Variants in FNDC4 observed in about 807,000 individuals in gnomAD.
FNDC4 encodes the protein fibronectin type III domain containing 4, also known as fibronectin type III domain-containing protein 4.
A neutral mutation model predicts 25.1 loss-of-function variants in FNDC4; 11 were observed. That is an observed-to-expected ratio of 0.44 (90% confidence interval 0.28 to 0.73). The LOEUF (loss-of-function observed/expected upper bound fraction) is 0.73. Among genes scored for constraint, FNDC4 ranks in the 30% least tolerant of loss-of-function variants. FNDC4 has a pLI of 0.16. For synonymous variants in FNDC4, 136 were observed against 118.8 expected, an observed-to-expected ratio of 1.14 and a Z score of -0.94; for missense variants, 250 against 304.3, an observed-to-expected ratio of 0.82 and a Z score of 1.33.
At chr2:27,493,865 G>T in intron 4 of FNDC4, 65 bp downstream of exon 4, 1 of 1,422,064 alleles carries the variant, frequency 7.0e-7, no homozygotes, top group East Asian at 2.3e-5. Flanking sequence ...GCTTGTCTTG[G>T]GGAAGTAAGT....
In FNDC4 at chr2:27,494,843, G is replaced by A; in HGVS notation, c.-25+35C>T. 1 of 578,570 alleles carries A rather than the reference G, an allele frequency of 1.7e-6. No homozygotes were observed. 35.8% of individuals were successfully genotyped at this position (578,570 alleles called of 1,614,324 possible). On this transcript the variant is annotated intron_variant, in intron 1 of 6. Transcript: ENST00000264703. The surrounding 1 kb of genome is among the most constrained non-coding windows in gnomAD (Gnocchi z 4.6). ...CCTCCCGCCCCCGCATTGCCCGGGCGGCCCCAGAGTGCGGTCCGCCCTGCC... is the reference window on the plus strand; with the variant it reads ...CCTCCCGCCCCCGCATTGCCCGGGCAGCCCCAGAGTGCGGTCCGCCCTGCC...
rs1669282954 is a variant in FNDC4, at chr2:27,492,613, C to A, written c.669+53G>T. On this transcript the variant is annotated intron_variant, in intron 6 of 6. Coordinates refer to ENST00000264703, the MANE Select transcript of FNDC4 (RefSeq NM_022823.3). The surrounding 1 kb of genome is among the most constrained non-coding windows in gnomAD (Gnocchi z 4.1). The stretch of plus-strand genomic sequence containing the variant: ...TCTTTGACCTTCTTCCTTTCCCTGG[C>A]TGCCCCTCAGGGGCAGAATCACCCT... The A allele has an allele frequency of 1.2e-6, 2 of 1,612,004 alleles. No individual in the cohort carries two copies.
Position 27,492,931 on chromosome 2 carries a change from T to C in FNDC4, c.545-141A>G, listed in dbSNP as rs1445190174. The C allele has an allele frequency of 2.9e-5, 23 of 793,754 alleles. No homozygotes were observed. Among genetic ancestry groups the C allele is most frequent in the Non-Finnish European group, 3.7e-5 (18 of 485,124 alleles). The allele number at this position is 793,754 out of a possible 1,614,324, so 49.2% of individuals were successfully genotyped here. On this transcript the variant is annotated intron_variant, in intron 5 of 6. Transcript: ENST00000264703. The surrounding 1 kb of genome is among the most constrained non-coding windows in gnomAD (Gnocchi z 4.1). ...CCTCCTCTCTGGGCTCTCAACAGCC[T>C]CCTCTCCCTCTCTTCAAAGTTCAAA...
At position 27,492,378 on chromosome 2, in the gene FNDC4, C is replaced by T; in HGVS notation, c.*65G>A. 1 of 1,600,810 alleles carries T rather than the reference C, an allele frequency of 6.2e-7. No individual in the cohort carries two copies. The highest frequency in any genetic ancestry group is 1.1e-5 in the South Asian group (1 of 90,816). ...GTCTCGGGCAGATCACCATCTTGGG[C>T]TCCCCCTGACCCCATCCCTATCCCC... is the stretch of plus-strand genomic sequence containing the variant. On this transcript the variant is annotated 3_prime_UTR_variant, in exon 7 of 7. Coordinates refer to ENST00000264703, the MANE Select transcript of FNDC4 (RefSeq NM_022823.3). The surrounding 1 kb of genome is among the most constrained non-coding windows in gnomAD (Gnocchi z 4.1).
chr2:27,494,000 G>A lies in FNDC4; in HGVS notation c.384C>T (p.Pro128=). The change falls in exon 4 of 7, where the codon CCC becomes CCT. Residue 128 remains proline, a synonymous_variant. Transcript: ENST00000264703. The part of the protein sequence containing the change: ...VRSIGLRGES[P]PGPRVHFRTL... The stretch of plus-strand genomic sequence containing the variant: ...TTCGGAAGTGCACCCGGGGCCCTGG[G>A]GGACTCTCTCCCCGAAGGCCGATGC... 1 of 1,614,204 alleles carries A rather than the reference G, an allele frequency of 6.2e-7. No individual in the cohort carries two copies. Among genetic ancestry groups the A allele is most frequent in the South Asian group, 1.1e-5 (1 of 91,086 alleles).
In FNDC4 at chr2:27,494,316, G is replaced by C. The variant is rs774843864; in HGVS notation, c.249+35C>G. On this transcript the variant is annotated intron_variant, in intron 3 of 6. Transcript: ENST00000264703. This position sits in a 1 kb window ranked among gnomAD's most constrained non-coding sequence, Gnocchi z 4.6. ...GTGAAGAAATGTGCCGAAATCCAAG[G>C]ACACAGGTTGGGGGAGCAGAAGGGT... 9 of 1,561,708 alleles carry C rather than the reference G, an allele frequency of 5.8e-6. No individual in the cohort carries two copies. The African/African-American group carries it at 8.1e-5, about 14-fold the overall frequency.
chr2:27,492,841 G>T lies in FNDC4; in HGVS notation c.545-51C>A. 1.2e-6 allele frequency: 2 copies of T among 1,609,764 alleles called. No homozygotes were observed. The highest frequency in any genetic ancestry group is 4.5e-5 in the East Asian group (2 of 44,856). On this transcript the variant is annotated intron_variant, in intron 5 of 6. Transcript: ENST00000264703. The surrounding 1 kb of genome is among the most constrained non-coding windows in gnomAD (Gnocchi z 4.1). ...TCATCTCCACTTCCCCCCTCATAGG[G>T]AGATACCTACGTAGCTTCTAGAAAA...
At position 27,494,178 on chromosome 2, in the gene FNDC4, C is replaced by A; in HGVS notation, c.250-44G>T. The A allele has an allele frequency of 6.3e-7, 1 of 1,577,506 alleles. No homozygotes were observed. Among genetic ancestry groups the A allele is most frequent in the Non-Finnish European group, 8.7e-7 (1 of 1,152,170 alleles). ...AGAGGAGGACAGCCTCACCCCAGTG[C>A]CAGGCCACAAGGCTCAACCAGAGAC... On this transcript the variant is annotated intron_variant, in intron 3 of 6. Coordinates refer to ENST00000264703, the MANE Select transcript of FNDC4 (RefSeq NM_022823.3). This position sits in a 1 kb window ranked among gnomAD's most constrained non-coding sequence, Gnocchi z 4.6.
In FNDC4 at chr2:27,494,329, G is replaced by A. The variant is rs1241134238; in HGVS notation, c.249+22C>T. 1 of 1,581,330 alleles carries A rather than the reference G, an allele frequency of 6.3e-7. No individual in the cohort carries two copies. The highest frequency in any genetic ancestry group is 1.7e-5 in the Admixed American group (1 of 59,848). ...CCGAAATCCAAGGACACAGGTTGGG[G>A]GAGCAGAAGGGTGATTCATACTTGC... On this transcript the variant is annotated intron_variant, in intron 3 of 6. Transcript: ENST00000264703. This position sits in a 1 kb window ranked among gnomAD's most constrained non-coding sequence, Gnocchi z 4.6.
rs1669276242 is a variant in FNDC4, at chr2:27,492,334, G to C, written c.*109C>G. 1 of 1,328,850 alleles carries C rather than the reference G, an allele frequency of 7.5e-7. No homozygotes were observed. The highest frequency in any genetic ancestry group is 1.4e-5 in the African/African-American group (1 of 69,138). The allele number at this position is 1,328,850 out of a possible 1,614,324, so 82.3% of individuals were successfully genotyped here. On this transcript the variant is annotated 3_prime_UTR_variant, in exon 7 of 7. Coordinates refer to ENST00000264703, the MANE Select transcript of FNDC4 (RefSeq NM_022823.3). The surrounding 1 kb of genome is among the most constrained non-coding windows in gnomAD (Gnocchi z 4.1). ...GGGTACCAGGCCTGAGATTGTGGGA[G>C]TGGCATTACCCTCTGGGAGTCTCGG...
In FNDC4 at chr2:27,492,508, T is replaced by C. The variant is rs1453488504; in HGVS notation, c.670-30A>G. On this transcript the variant is annotated intron_variant, in intron 6 of 6. Transcript: ENST00000264703. The surrounding 1 kb of genome is among the most constrained non-coding windows in gnomAD (Gnocchi z 4.1). ...GAAAGAAAATGGCCTGAGTCTCAACTTCAGGAAGGTAATAGGTGCCACCCT... is the reference window on the plus strand; with the variant it reads ...GAAAGAAAATGGCCTGAGTCTCAACCTCAGGAAGGTAATAGGTGCCACCCT... The C allele has an allele frequency of 1.9e-6, 3 of 1,606,422 alleles. No homozygotes were observed. The highest frequency in any genetic ancestry group is 2.6e-6 in the Non-Finnish European group (3 of 1,173,102).
chr2:27,493,385 T>G lies in FNDC4; in HGVS notation c.544+4A>C. On this transcript the variant is annotated splice_donor_region_variant and intron_variant, in intron 5 of 6. Transcript: ENST00000264703. The stretch of plus-strand genomic sequence containing the variant: ...CCTGGTCCCCTGTCTAGCTGCTTAC[T>G]CACCAGCCCACATGAGCAACACCAC... The G allele has an allele frequency of 6.2e-7, 1 of 1,612,706 alleles. No individual in the cohort carries two copies. The highest frequency in any genetic ancestry group is 8.5e-7 in the Non-Finnish European group (1 of 1,178,790).
chr2:27,493,368 C>G (rs1558429428), intron 5 of FNDC4, 21 bp downstream of exon 5: 1 of 1,600,194 alleles, frequency 6.2e-7, no homozygotes, highest in African/African-American at 1.3e-5. Flanking sequence ...TCCCTGGTCC[C>G]CTGTCTAGCT....
Position 27,494,783 on chromosome 2 carries a change from C to T in FNDC4, c.-24-80G>A. On this transcript the variant is annotated intron_variant, in intron 1 of 6. Transcript: ENST00000264703. The surrounding 1 kb of genome is among the most constrained non-coding windows in gnomAD (Gnocchi z 4.6). ...CGGGGGGCAGCAGCTCTCCTGGGCTCCCCACAGCTCACAACAGCCCTATTT... is the reference window on the plus strand; with the variant it reads ...CGGGGGGCAGCAGCTCTCCTGGGCTTCCCACAGCTCACAACAGCCCTATTT... 3.1e-6 allele frequency: 2 copies of T among 649,362 alleles called. No individual in the cohort carries two copies. Among genetic ancestry groups the T allele is most frequent in the South Asian group, 3.9e-5 (2 of 51,392 alleles). The allele number at this position is 649,362 out of a possible 1,614,324, so 40.2% of individuals were successfully genotyped here.
chr2:27,492,750 C>T lies in FNDC4; in HGVS notation c.585G>A (p.Lys195=), dbSNP rs1330944588. The T allele has an allele frequency of 2.5e-6, 4 of 1,614,122 alleles. No homozygotes were observed. The highest frequency in any genetic ancestry group is 3.4e-6 in the Non-Finnish European group (4 of 1,180,028). The change falls in exon 6 of 7, where the codon AAG becomes AAA. Residue 195 remains lysine, a synonymous_variant. Transcript: ENST00000264703. This position sits in a 1 kb window ranked among gnomAD's most constrained non-coding sequence, Gnocchi z 4.1. ...TGGGATTGTTGTTGGAGTCATTGTC[C>T]TTGATGATGTCATACTGACGGCAGA... The part of the protein sequence containing the change: ...GLFCRQYDII[K]DNDSNNNPKE...
rs1424267084 is a variant in FNDC4, at chr2:27,494,112, C to T, written c.272G>A (p.Arg91His). 2 of 1,613,882 alleles carry T rather than the reference C, an allele frequency of 1.2e-6. No homozygotes were observed. Among genetic ancestry groups the T allele is most frequent in the South Asian group, 1.1e-5 (1 of 91,090 alleles). Residue 91 changes from arginine to histidine, a missense_variant, in exon 4 of 7, where the codon CGT becomes CAT. Transcript: ENST00000264703. This position sits in a 1 kb window ranked among gnomAD's most constrained non-coding sequence, Gnocchi z 4.6. ...GGTGGTGTTCACCTCCCGAATCACA[C>T]GCTGCCCGGGGCCATTCTGCCGCTG... ...SQQRQNGPGQ[R>H]VIREVNTTTR... is the part of the protein sequence containing the mutation.
In FNDC4 at chr2:27,492,832, C is replaced by T; in HGVS notation, c.545-42G>A. ...TCTGAGCCTTCATCTCCACTTCCCC[C>T]CTCATAGGGAGATACCTACGTAGCT... On this transcript the variant is annotated intron_variant, in intron 5 of 6. Transcript: ENST00000264703. This position sits in a 1 kb window ranked among gnomAD's most constrained non-coding sequence, Gnocchi z 4.1. The T allele has an allele frequency of 1.2e-6, 2 of 1,612,380 alleles. No homozygotes were observed. The highest frequency in any genetic ancestry group is 1.7e-6 in the Non-Finnish European group (2 of 1,179,378).
rs932977975 is a variant in FNDC4, at chr2:27,494,801, C to T, written c.-25+77G>A. 1.6e-6 allele frequency: 1 copy of T among 612,154 alleles called. No homozygotes were observed. The highest frequency in any genetic ancestry group is 1.9e-5 in the African/African-American group (1 of 54,000). 37.9% of individuals were successfully genotyped at this position (612,154 alleles called of 1,614,324 possible). A position where few individuals can be genotyped will look rare whatever the true frequency, so the allele number is the denominator to read the frequency against. On this transcript the variant is annotated intron_variant, in intron 1 of 6. Transcript: ENST00000264703. The surrounding 1 kb of genome is among the most constrained non-coding windows in gnomAD (Gnocchi z 4.6). Reference sequence around the variant, plus strand: ...CTGGGCTCCCCACAGCTCACAACAGCCCTATTTTCTCTACGCCCTCCCGCC... The same window carrying T: ...CTGGGCTCCCCACAGCTCACAACAGTCCTATTTTCTCTACGCCCTCCCGCC...
intron 5 of FNDC4, among the ~76,000 whole-genome samples, chr2:27,493,129 C>T (rs1172111477): frequency 1.3e-5 from 2 of 151,394 alleles, no homozygotes; most frequent in African/African-American, 4.9e-5. Context: ...TCTTCTGCCT[C>T]AGCCTCCTGA....
Sources: allele counts gnomAD v4.1 joint callset (sites outside exome capture counted in the v4.1 genomes callset), GRCh38; gene constraint gnomAD v4.1.1; non-coding constraint Gnocchi (gnomAD v3.1); transcripts MANE v1.5; gene names NCBI Gene and HGNC (gene_info 2026-07-23, HGNC 2026-07-21).